Variants in LHFPL3 observed in about 807,000 individuals in gnomAD.
The protein encoded by LHFPL3 is LHFPL tetraspan subfamily member 3.
A neutral mutation model predicts 19.3 loss-of-function variants in LHFPL3; 5 were observed. That is an observed-to-expected ratio of 0.26 (90% confidence interval 0.14 to 0.54). LHFPL3 has a LOEUF of 0.54. LHFPL3 is among the 20% of genes least tolerant of loss of function. The pLI is 0.94. For synonymous variants in LHFPL3, 133 were observed against 126.2 expected (o/e 1.05, Z -0.36); for missense variants, 249 against 307.4 (o/e 0.81, Z 1.42).
At chr7:104,739,884 T>C (rs1793900521) in intron 2 of LHFPL3, among the ~76,000 whole-genome samples, 2 of 152,218 alleles carry the variant, frequency 1.3e-5, no homozygotes, top group Non-Finnish European at 2.9e-5. Flanking sequence ...GTAATGTCTT[T>C]TATAATCTTC....
intron 1 of LHFPL3, among the ~76,000 whole-genome samples, chr7:104,723,674 A>G (rs569774734): frequency 7.2e-6 from 1 of 138,732 alleles, no homozygotes; most frequent in South Asian, 2.5e-4. Context: ...GTGAGCCAAG[A>G]TTGCACCATT....
At chr7:104,452,175 C>T (rs1420317719) in intron 1 of LHFPL3, among the ~76,000 whole-genome samples, 4 of 151,476 alleles carry the variant, frequency 2.6e-5, no homozygotes, top group East Asian at 2.0e-4. Context: ...ATAGTATGCA[C>T]AGGTATAGAT....
At chr7:104,661,483 G>T (rs1476890780) in intron 1 of LHFPL3, among the ~76,000 whole-genome samples, 1 of 152,222 alleles carries the variant, frequency 6.6e-6, no homozygotes. Flanking sequence ...GGAAGTGAAT[G>T]AAGTCACCTC....
At chr7:104,484,581 C>G (rs1793202788) in intron 1 of LHFPL3, among the ~76,000 whole-genome samples, 1 of 152,202 alleles carries the variant, frequency 6.6e-6, no homozygotes. Flanking sequence ...TCTAAAGTAC[C>G]TCACACAGAG....
At chr7:104,405,853 C>G (rs575167482) in intron 1 of LHFPL3, among the ~76,000 whole-genome samples, 8 of 152,292 alleles carry the variant, frequency 5.3e-5, no homozygotes, top group African/African-American at 1.9e-4. Context: ...CAGGGGCATT[C>G]ACTTCCTATA....
At chr7:104,701,494 G>A (rs1584487403) in intron 1 of LHFPL3, among the ~76,000 whole-genome samples, 1 of 152,036 alleles carries the variant, frequency 6.6e-6, no homozygotes, top group East Asian at 1.9e-4. Flanking sequence ...AAATTATAAG[G>A]AAGAGAAAAT....
At chr7:104,652,248 G>T (rs1285968234) in intron 1 of LHFPL3, among the ~76,000 whole-genome samples, 1 of 152,164 alleles carries the variant, frequency 6.6e-6, no homozygotes, top group Non-Finnish European at 1.5e-5. Flanking sequence ...CATGAATGAG[G>T]GTGTGTAGAG....
intron 1 of LHFPL3, among the ~76,000 whole-genome samples, chr7:104,421,861 G>C (rs1392056450): frequency 1.3e-5 from 2 of 152,158 alleles, no homozygotes; most frequent in African/African-American, 4.8e-5. Context: ...TGGGGCATTT[G>C]GGAGGTGATG....
chr7:104,816,010 C>A (rs1307994362), intron 2 of LHFPL3, among the ~76,000 whole-genome samples: 1 of 152,116 alleles, frequency 6.6e-6, no homozygotes, highest in Non-Finnish European at 1.5e-5. Flanking sequence ...TAGACCAGCA[C>A]CCCTTGGCAC....
intron 1 of LHFPL3, among the ~76,000 whole-genome samples, chr7:104,676,952 A>T (rs1792603398): frequency 6.6e-6 from 1 of 152,268 alleles, no homozygotes; most frequent in Non-Finnish European, 1.5e-5. Context: ...GTTTACAAAC[A>T]TCCACGTATG....
chr7:104,860,067 G>C (rs1323376124), intron 2 of LHFPL3, among the ~76,000 whole-genome samples: 1 of 151,926 alleles, frequency 6.6e-6, no homozygotes, highest in Non-Finnish European at 1.5e-5. Flanking sequence ...TCACCACTTG[G>C]CTTAAGAAAT....
intron 2 of LHFPL3, among the ~76,000 whole-genome samples, chr7:104,808,007 A>C (rs1268077453): frequency 6.6e-6 from 1 of 152,194 alleles, no homozygotes; most frequent in Admixed American, 6.5e-5. Context: ...ACTGGCCAGG[A>C]CTATACTCCA....
intron 1 of LHFPL3, among the ~76,000 whole-genome samples, chr7:104,447,735 A>G (rs556641063): frequency 1.2e-4 from 19 of 152,182 alleles, no homozygotes; most frequent in African/African-American, 3.9e-4. Context: ...TTGGACATTT[A>G]GGTATTCTCT....
chr7:104,760,768 C>T (rs1464587773), intron 2 of LHFPL3, among the ~76,000 whole-genome samples: 3 of 152,274 alleles, frequency 2.0e-5, no homozygotes, highest in Middle Eastern at 3.4e-3. Context: ...AGTTCCATCA[C>T]GTCTTGATTT....
chr7:104,739,706 G>A (rs929444095), intron 2 of LHFPL3, among the ~76,000 whole-genome samples: 1 of 152,140 alleles, frequency 6.6e-6, no homozygotes, highest in African/African-American at 2.4e-5. Context: ...GCAATGCAGT[G>A]AGACAAGCAA....
chr7:104,410,127 TTTG>T (rs1490615975), intron 1 of LHFPL3, among the ~76,000 whole-genome samples: 2 of 152,166 alleles, frequency 1.3e-5, no homozygotes, highest in East Asian at 1.9e-4. Flanking sequence ...TCTGCAGTTT[TTTG>T]TTGTTGTTGT....
chr7:104,595,837 C>G (rs1790840322), intron 1 of LHFPL3, among the ~76,000 whole-genome samples: 1 of 152,280 alleles, frequency 6.6e-6, no homozygotes, highest in Admixed American at 6.5e-5. Context: ...TAGCAGTGAG[C>G]AAGGCTCCAT....
At chr7:104,579,780 A>G (rs1249232050) in intron 1 of LHFPL3, among the ~76,000 whole-genome samples, 1 of 152,186 alleles carries the variant, frequency 6.6e-6, no homozygotes, top group Non-Finnish European at 1.5e-5. Flanking sequence ...GTAATTACTG[A>G]GCACCCATCA....
rs867302802 is a variant in LHFPL3, at chr7:104,433,268, T to A, written c.445+104044T>A. 2.6e-5 allele frequency among the ~76,000 whole-genome samples: 4 copies of A among 152,358 alleles called. No individual in the cohort carries two copies. In the East Asian group the frequency reaches 7.7e-4, roughly 29 times the overall value. The stretch of plus-strand genomic sequence containing the variant: ...TCATTATGTAGCCTTTGGAAAAGTT[T>A]ACATGCTTAAAAGAATAAGTGTGAA... On this transcript the variant is annotated intron_variant, in intron 1 of 2. Transcript: ENST00000424859.
Sources: gnomAD v4.1 joint callset for allele counts (sites outside exome capture counted in the v4.1 genomes callset) on GRCh38, gnomAD v4.1.1 for gene constraint, MANE v1.5 for transcripts, NCBI Gene and HGNC (gene_info 2026-07-23, HGNC 2026-07-21) for gene names.